The following NBDY variants were observed in gnomAD, a reference collection of about 807,000 sequenced individuals.
The protein encoded by NBDY is P-body dissociating protein.
At chrX:56,782,142 C>A (rs914374929) in intron 2 of NBDY, among the ~76,000 whole-genome samples, 6 of 111,770 alleles carry the variant, frequency 5.4e-5, no homozygotes, top group Non-Finnish European at 9.4e-5. Flanking sequence ...TGTCACCACA[C>A]ACTGAGGTCT....
chrX:56,782,664 C>A lies in NBDY; in HGVS notation c.*167-34656C>A, dbSNP rs186084522. 9.8e-3 allele frequency among the ~76,000 whole-genome samples: 1,094 copies of A among 112,115 alleles called. 10 individuals are homozygous for A. The highest frequency in any genetic ancestry group is 0.03 in the South Asian group (79 of 2,661). ...ATTTCCTGTTCTGTTCGTGGATGCA[C>A]TAGGTGTGTAATCCTGAGCCATTAG... On this transcript the variant is annotated intron_variant, in intron 2 of 2. Coordinates refer to ENST00000374922, the MANE Select transcript of NBDY (RefSeq NM_001348129.2).
chrX:56,751,536 T>C (rs1010126687), intron 2 of NBDY, among the ~76,000 whole-genome samples: 2 of 112,031 alleles, frequency 1.8e-5, no homozygotes, highest in African/African-American at 3.2e-5. Flanking sequence ...GTATAAGTCA[T>C]AGTAAAGTAC....
intron 2 of NBDY, among the ~76,000 whole-genome samples, chrX:56,739,502 A>G (rs1300081649): frequency 9.3e-6 from 1 of 107,636 alleles, no homozygotes; most frequent in African/African-American, 3.4e-5. Context: ...ATATCACAAT[A>G]TCACACATCG....
chrX:56,760,403 G>A (rs2069632194), intron 2 of NBDY, among the ~76,000 whole-genome samples: 1 of 37,886 alleles, frequency 2.6e-5, no homozygotes, highest in Non-Finnish European at 1.6e-4. Context: ...ACAGAAACTG[G>A]GGCTGGGTGC....
At chrX:56,792,256 C>T (rs924981265) in intron 2 of NBDY, among the ~76,000 whole-genome samples, 1 of 111,385 alleles carries the variant, frequency 9.0e-6, no homozygotes, top group Non-Finnish European at 1.9e-5. Flanking sequence ...ACCCTTACCT[C>T]GTACCTCATG....
chrX:56,753,312 T>C (rs1454049654), intron 2 of NBDY, among the ~76,000 whole-genome samples: 2 of 112,308 alleles, frequency 1.8e-5, no homozygotes, highest in Non-Finnish European at 3.8e-5. Flanking sequence ...TCTTGGAAGA[T>C]ATAGGGCTTG....
intron 2 of NBDY, among the ~76,000 whole-genome samples, chrX:56,782,747 T>G (rs1188369008): frequency 9.0e-6 from 1 of 111,647 alleles, no homozygotes; most frequent in African/African-American, 3.3e-5. Context: ...TGTGAACACA[T>G]TGATCCGGAT....
intron 2 of NBDY, among the ~76,000 whole-genome samples, chrX:56,738,596 C>T (rs368136696): frequency 1.8e-5 from 2 of 111,723 alleles, no homozygotes; most frequent in South Asian, 7.5e-4. Context: ...AAATAATTTG[C>T]TAGAACAACA....
At chrX:56,744,133 C>A (rs2146715652) in intron 2 of NBDY, among the ~76,000 whole-genome samples, 1 of 111,254 alleles carries the variant, frequency 9.0e-6, no homozygotes, top group Admixed American at 9.6e-5. Flanking sequence ...CAAAATTCTT[C>A]TTGTTATTGA....
chrX:56,809,873 T>C (rs189604890), intron 2 of NBDY, among the ~76,000 whole-genome samples: 2 of 112,251 alleles, frequency 1.8e-5, no homozygotes, highest in East Asian at 5.6e-4. Context: ...ATTTAGTATG[T>C]TTTTGCAGTG....
chrX:56,791,284 T>C (rs2069761349), intron 2 of NBDY, among the ~76,000 whole-genome samples: 1 of 112,292 alleles, frequency 8.9e-6, no homozygotes, highest in African/African-American at 3.2e-5. Flanking sequence ...CCTAAGGAAA[T>C]TAGGATAACT....
chrX:56,788,972 G>C (rs1002767522), intron 2 of NBDY, among the ~76,000 whole-genome samples: 6 of 112,436 alleles, frequency 5.3e-5, no homozygotes, highest in Admixed American at 2.8e-4. Context: ...ACTGATCTCT[G>C]TGCCTGGCAG....
intron 2 of NBDY, among the ~76,000 whole-genome samples, chrX:56,786,880 G>C (rs2069732231): frequency 9.0e-6 from 1 of 111,348 alleles, no homozygotes; most frequent in Admixed American, 9.6e-5. Flanking sequence ...GAGGTCACCA[G>C]TTTAGTCCTT....
chrX:56,789,058 G>A (rs1455857758), intron 2 of NBDY, among the ~76,000 whole-genome samples: 1 of 112,815 alleles, frequency 8.9e-6, no homozygotes, highest in African/African-American at 3.2e-5. Context: ...TCCGCAAATG[G>A]CAGTCACGTC....
intron 2 of NBDY, among the ~76,000 whole-genome samples, chrX:56,784,942 A>G (rs753720070): frequency 2.7e-4 from 30 of 112,456 alleles, no homozygotes; most frequent in Non-Finnish European, 4.9e-4. Context: ...CATGGAACAC[A>G]CAGCTCTTCA....
chrX:56,756,866 G>C (rs900589372), intron 2 of NBDY, among the ~76,000 whole-genome samples: 1 of 110,761 alleles, frequency 9.0e-6, no homozygotes, highest in Non-Finnish European at 1.9e-5. Flanking sequence ...TGAGGCATGA[G>C]AATCACTTGA....
rs781152629 is a variant in NBDY, at chrX:56,787,967, G to A, written c.*167-29353G>A. On this transcript the variant is annotated intron_variant, in intron 2 of 2. Coordinates refer to ENST00000374922, the MANE Select transcript of NBDY (RefSeq NM_001348129.2). The stretch of plus-strand genomic sequence containing the variant: ...TGTATAAGACAGCCGAGTGGCCAGC[G>A]CCTCGTCCTGGAGCTGCAGCCCTAT... Among the ~76,000 whole-genome samples, 523 of 112,770 alleles carry A rather than the reference G, an allele frequency of 4.6e-3. 3 individuals carry two copies. Among genetic ancestry groups the A allele is most frequent in the Admixed American group, 0.013 (142 of 10,761 alleles).
chrX:56,766,479 C>T (rs2069666353), intron 2 of NBDY, among the ~76,000 whole-genome samples: 1 of 111,806 alleles, frequency 8.9e-6, no homozygotes, highest in African/African-American at 3.3e-5. Flanking sequence ...CACACAAACA[C>T]ACACATACAC....
rs774134401 is a variant in NBDY, at chrX:56,737,559, T to C, written c.*166+5360T>C. The C allele has an allele frequency of 1.9e-4, 150 of 796,634 alleles. No individual in the cohort carries two copies. In the Middle Eastern group the frequency reaches 4.7e-3, roughly 25 times the overall value. The allele number at this position is 796,634 out of a possible 1,213,427, so 65.7% of individuals were successfully genotyped here. On this transcript the variant is annotated intron_variant, in intron 2 of 2. Transcript: ENST00000374922. ...TCCAGCCACTTGCCTGATGCTGAAA[T>C]GGCCTGCTTGCCAGCCATTTTGACC...
Sources: allele counts gnomAD v4.1 joint callset (sites outside exome capture counted in the v4.1 genomes callset), GRCh38; gene constraint gnomAD v4.1.1; transcripts MANE v1.5; gene names NCBI Gene and HGNC (gene_info 2026-07-23, HGNC 2026-07-21).